Variants in QRFPR observed in about 807,000 individuals in gnomAD.
QRFPR encodes the protein pyroglutamylated RF-amide peptide receptor.
In QRFPR, 37 loss-of-function variants were observed where a neutral mutation model predicts 31.3. That is an observed-to-expected ratio of 1.18 (90% CI 0.91 to 1.56). QRFPR has a LOEUF of 1.56. QRFPR is among the 40% of genes most tolerant of loss of function. The probability of loss-of-function intolerance (pLI) is 0.00; values close to 1 mark genes in which losing one functional copy is unlikely to be tolerated. For synonymous variants in QRFPR, 197 were observed against 192.0 expected (o/e 1.03, Z -0.22); for missense variants, 542 against 532.5 (o/e 1.02, Z -0.18).
At chr4:121,379,123 T>G (rs540786961) in intron 1 of QRFPR, among the ~76,000 whole-genome samples, 1 of 152,226 alleles carries the variant, frequency 6.6e-6, no homozygotes, top group Non-Finnish European at 1.5e-5. Context: ...ACTTTCCACA[T>G]TGTGTATTAC....
intron 1 of QRFPR, among the ~76,000 whole-genome samples, chr4:121,378,017 T>A (rs905477469): frequency 8.5e-5 from 13 of 152,162 alleles, no homozygotes; most frequent in African/African-American, 3.1e-4. Context: ...CGCACTTCAA[T>A]TTTGGTATTA....
At chr4:121,331,792 A>G (rs1227025799) in intron 4 of QRFPR, among the ~76,000 whole-genome samples, 1 of 151,912 alleles carries the variant, frequency 6.6e-6, no homozygotes, top group East Asian at 1.9e-4. Context: ...AGCTGGGATT[A>G]CAGGCACCCA....
intron 1 of QRFPR, among the ~76,000 whole-genome samples, chr4:121,363,086 C>A (rs1399712070): frequency 6.7e-6 from 1 of 149,946 alleles, no homozygotes; most frequent in Non-Finnish European, 1.5e-5. Flanking sequence ...GTAATCCCAG[C>A]CCTTTGGGAG....
intron 5 of QRFPR, 148 bp downstream of exon 5, chr4:121,330,278 C>T (rs1725297622): frequency 1.6e-6 from 1 of 619,040 alleles, no homozygotes; most frequent in Admixed American, 2.7e-5. Flanking sequence ...CACATAATGA[C>T]CTTGTGATCT....
At position 121,329,061 on chromosome 4, in the gene QRFPR, T is replaced by C; in HGVS notation, c.*253A>G. ...GAGCCACCGTGCCTGGCCTTCCATG[T>C]TGCTTTTTTAAGGCTAGTCAAGTGA... On this transcript the variant is annotated 3_prime_UTR_variant, in exon 6 of 6. Coordinates refer to ENST00000394427, the MANE Select transcript of QRFPR (RefSeq NM_198179.3). The C allele has an allele frequency of 3.0e-6, 1 of 334,426 alleles. No individual in the cohort carries two copies. Among genetic ancestry groups the C allele is most frequent in the Non-Finnish European group, 5.4e-6 (1 of 186,140 alleles). 20.7% of individuals were successfully genotyped at this position (334,426 alleles called of 1,614,324 possible).
intron 2 of QRFPR, among the ~76,000 whole-genome samples, chr4:121,339,818 G>A (rs1017817665): frequency 6.6e-6 from 1 of 152,036 alleles, no homozygotes; most frequent in Non-Finnish European, 1.5e-5. Flanking sequence ...AGCTGGGTGT[G>A]GTGGTGGGCA....
At chr4:121,363,443 T>C (rs1224142409) in intron 1 of QRFPR, among the ~76,000 whole-genome samples, 1 of 150,150 alleles carries the variant, frequency 6.7e-6, no homozygotes, top group Non-Finnish European at 1.5e-5. Context: ...AGAGGTCTCA[T>C]GTGCATCACA....
Position 121,362,943 on chromosome 4 carries a change from A to G in QRFPR, c.340+17365T>C, listed in dbSNP as rs140944044. On this transcript the variant is annotated intron_variant, in intron 1 of 5. Transcript: ENST00000394427. ...GCAGAGCTGTTCTTTCAAAAACTTCAGGCTTTCATAGATAAATGTAAAAGA... is the reference window on the plus strand; with the variant it reads ...GCAGAGCTGTTCTTTCAAAAACTTCGGGCTTTCATAGATAAATGTAAAAGA... Among the ~76,000 whole-genome samples the G allele has an allele frequency of 4.3e-3, 642 of 150,560 alleles. 40 individuals are homozygous for G. The highest frequency in any genetic ancestry group is 0.041 in the Middle Eastern group (12 of 292).
intron 1 of QRFPR, among the ~76,000 whole-genome samples, chr4:121,360,757 A>G (rs577601463): frequency 6.6e-6 from 1 of 152,174 alleles, no homozygotes; most frequent in Non-Finnish European, 1.5e-5. Flanking sequence ...TGAAGCTCAA[A>G]CTCCTTAACA....
At chr4:121,335,582 G>T (rs1244724599) in intron 3 of QRFPR, among the ~76,000 whole-genome samples, 1 of 74,260 alleles carries the variant, frequency 1.3e-5, no homozygotes, top group Non-Finnish European at 2.9e-5. Flanking sequence ...GGGGGGTGGG[G>T]GGTGGGGCGG....
At chr4:121,361,899 G>A (rs1726000335) in intron 1 of QRFPR, among the ~76,000 whole-genome samples, 3 of 150,052 alleles carry the variant, frequency 2.0e-5, no homozygotes, top group Admixed American at 2.0e-4. Flanking sequence ...TCCCAACACT[G>A]CTCCTGTTCC....
intron 1 of QRFPR, among the ~76,000 whole-genome samples, chr4:121,372,962 G>A (rs1446680995): frequency 4.6e-5 from 7 of 152,010 alleles, no homozygotes; most frequent in African/African-American, 1.2e-4. Flanking sequence ...GGAGCTGGCC[G>A]CCGAGGGGGA....
At chr4:121,350,459 C>T (rs917002541) in intron 1 of QRFPR, among the ~76,000 whole-genome samples, 3 of 152,298 alleles carry the variant, frequency 2.0e-5, no homozygotes, top group African/African-American at 2.4e-5. Flanking sequence ...GATTTCTCAG[C>T]GTGACATTTA....
In QRFPR at chr4:121,349,751, T is replaced by C. The variant is rs546053721; in HGVS notation, c.341-9141A>G. ...CATAGGAAAGCCAGCATTTAAAATA[T>C]AAAATCCTAAAATATTGGCCCCTGA... is the stretch of plus-strand genomic sequence containing the variant. On this transcript the variant is annotated intron_variant, in intron 1 of 5. Coordinates refer to ENST00000394427, the MANE Select transcript of QRFPR (RefSeq NM_198179.3). Among the ~76,000 whole-genome samples the C allele has an allele frequency of 3.1e-4, 47 of 152,296 alleles. No individual in the cohort carries two copies. The South Asian group carries it at 9.5e-3, about 31-fold the overall frequency.
rs183011954 is a variant in QRFPR at position 121,335,443 on chromosome 4, C to T, written c.561+1364G>A. ...CTCAGTGCTGTTATCTTTGAGAAGT[C>T]CTGAAGCAAACAATCAGTCACAGGC... On this transcript the variant is annotated intron_variant, in intron 3 of 5. Transcript: ENST00000394427. 8.3e-4 allele frequency among the ~76,000 whole-genome samples: 126 copies of T among 151,896 alleles called. 2 individuals are homozygous for T. The East Asian group carries it at 0.019, about 22-fold the overall frequency.
intron 3 of QRFPR, 41 bp from the exon 4 acceptor site, chr4:121,333,097 G>T: frequency 7.2e-7 from 1 of 1,381,644 alleles, no homozygotes; most frequent in Non-Finnish European, 1.0e-6. Context: ...CCAGTAGTCA[G>T]CATCAAAAAA....
intron 1 of QRFPR, among the ~76,000 whole-genome samples, chr4:121,363,562 T>C (rs1726030460): frequency 6.7e-6 from 1 of 149,790 alleles, no homozygotes; most frequent in South Asian, 2.1e-4. Flanking sequence ...GCCAACAAGG[T>C]TCCTTCTTTC....
At chr4:121,340,680 A>G in intron 1 of QRFPR, 70 bp from the exon 2 acceptor site, 1 of 1,440,430 alleles carries the variant, frequency 6.9e-7, no homozygotes, top group South Asian at 1.3e-5. Flanking sequence ...GTGTCTTTGT[A>G]ATTATCACTA....
Position 121,331,198 on chromosome 4 carries a change from T to C in QRFPR, c.798-675A>G, listed in dbSNP as rs1725317203. 4.8e-5 allele frequency among the ~76,000 whole-genome samples: 7 copies of C among 145,036 alleles called. No individual in the cohort carries two copies. The South Asian group carries it at 1.6e-3, about 33-fold the overall frequency. ...GGGTTTTTTTTTTTTTTTTTTTTTT[T>C]TTTTGAGACAAGGTCTTACTCGGTT... On this transcript the variant is annotated intron_variant, in intron 4 of 5. Transcript: ENST00000394427.
Sources: allele counts gnomAD v4.1 joint callset (sites outside exome capture counted in the v4.1 genomes callset), GRCh38; gene constraint gnomAD v4.1.1; transcripts MANE v1.5; gene names NCBI Gene and HGNC (gene_info 2026-07-23, HGNC 2026-07-21).